Variants in EDIL3 observed in about 807,000 individuals in gnomAD.
EDIL3 encodes the protein EGF like and discoidin domains 3.
A neutral mutation model predicts 67.4 loss-of-function variants in EDIL3; 37 were observed. The ratio of observed to expected loss-of-function variants is 0.55; its 90% CI spans 0.42 to 0.72. The LOEUF is 0.72. Ranked by LOEUF, EDIL3 falls within the 30% of genes least tolerant of loss-of-function variation. EDIL3 has a pLI of 0.00. For missense variants in EDIL3, 527 were observed against 586.3 expected, an observed-to-expected ratio of 0.90 and a Z score of 1.04; for synonymous variants, 195 against 196.3, an observed-to-expected ratio of 0.99 and a Z score of 0.05.
At chr5:84,154,004 C>G (rs1318334097) in intron 4 of EDIL3, among the ~76,000 whole-genome samples, 1 of 152,150 alleles carries the variant, frequency 6.6e-6, no homozygotes, top group Non-Finnish European at 1.5e-5. Flanking sequence ...GGCTTGGTTC[C>G]TTGCTGAGGT....
At chr5:84,372,157 ATAAATATG>A (rs1474520535) in intron 1 of EDIL3, among the ~76,000 whole-genome samples, 1 of 152,200 alleles carries the variant, frequency 6.6e-6, no homozygotes, top group Non-Finnish European at 1.5e-5. Flanking sequence ...AGCCTGTTGA[ATAAATATG>A]TAGGCTACTT....
At chr5:84,374,074 C>T (rs767451973) in intron 1 of EDIL3, among the ~76,000 whole-genome samples, 23 of 151,988 alleles carry the variant, frequency 1.5e-4, no homozygotes, top group Non-Finnish European at 2.8e-4. Flanking sequence ...TAGTAATGGG[C>T]TCCAAAGGGG....
intron 1 of EDIL3, among the ~76,000 whole-genome samples, chr5:84,371,718 TAAATAAAGAATGAAA>T (rs1747860718): frequency 6.6e-6 from 1 of 151,616 alleles, no homozygotes; most frequent in Admixed American, 6.6e-5. Context: ...AGAATTATAC[TAAATAAAGAATGAAA>T]AAAATAAGTA....
chr5:84,126,169 T>C (rs1455229561), intron 5 of EDIL3, among the ~76,000 whole-genome samples: 2 of 152,098 alleles, frequency 1.3e-5, no homozygotes, highest in South Asian at 4.1e-4. Flanking sequence ...TCTGCTATTT[T>C]ACTTACATGT....
At chr5:84,080,332 C>T (rs1254901971) in intron 6 of EDIL3, among the ~76,000 whole-genome samples, 1 of 137,034 alleles carries the variant, frequency 7.3e-6, no homozygotes, top group Non-Finnish European at 1.6e-5. Flanking sequence ...TCAAATATAA[C>T]TAGTCCTAGT....
At chr5:84,287,704 ATCT>A (rs1408638434) in intron 1 of EDIL3, among the ~76,000 whole-genome samples, 4 of 152,166 alleles carry the variant, frequency 2.6e-5, no homozygotes, top group Admixed American at 1.3e-4. Flanking sequence ...AATCTTAGTC[ATCT>A]TCTTACTTGA....
chr5:83,966,585 G>A (rs554327575), intron 9 of EDIL3, among the ~76,000 whole-genome samples: 1 of 152,154 alleles, frequency 6.6e-6, no homozygotes, highest in Admixed American at 6.6e-5. Context: ...ACGGAACTGG[G>A]TGGTTTGGGG....
At chr5:83,981,098 CA>C (rs747326577) in intron 9 of EDIL3, among the ~76,000 whole-genome samples, 1 of 151,994 alleles carries the variant, frequency 6.6e-6, no homozygotes, top group Non-Finnish European at 1.5e-5. Context: ...ATATCCCTAA[CA>C]AAATCTCAAC....
chr5:84,183,269 G>T (rs1694808979), intron 3 of EDIL3, among the ~76,000 whole-genome samples: 3 of 151,884 alleles, frequency 2.0e-5, no homozygotes, highest in African/African-American at 7.3e-5. Context: ...ACAGATTGAG[G>T]CCTCAGACTA....
At chr5:84,190,579 GTA>G (rs138685119) in intron 3 of EDIL3, among the ~76,000 whole-genome samples, 2,091 of 121,932 alleles carry the variant, frequency 0.017, 50 homozygotes, top group African/African-American at 0.044. Flanking sequence ...GTGTGTGTGT[GTA>G]TATATATATA....
chr5:84,214,132 C>A (rs1248232548), intron 3 of EDIL3, among the ~76,000 whole-genome samples: 1 of 152,150 alleles, frequency 6.6e-6, no homozygotes, highest in Non-Finnish European at 1.5e-5. Context: ...CCAGTTATTA[C>A]TAACAATGGC....
At chr5:84,139,135 A>G (rs909766393) in intron 4 of EDIL3, among the ~76,000 whole-genome samples, 5 of 151,830 alleles carry the variant, frequency 3.3e-5, no homozygotes, top group African/African-American at 1.2e-4. Flanking sequence ...TACTCAGGAG[A>G]CTGAGGCAAG....
chr5:84,289,518 T>C (rs918712363), intron 1 of EDIL3, among the ~76,000 whole-genome samples: 6 of 152,158 alleles, frequency 3.9e-5, no homozygotes, highest in Admixed American at 6.6e-5. Flanking sequence ...TCCTCCCTTA[T>C]GACTCCTTCA....
intron 6 of EDIL3, among the ~76,000 whole-genome samples, chr5:84,097,538 T>A (rs1036402152): frequency 6.6e-6 from 1 of 152,200 alleles, no homozygotes; most frequent in South Asian, 2.1e-4. Context: ...AGGCCACATA[T>A]GTTTTGTGTT....
intron 1 of EDIL3, among the ~76,000 whole-genome samples, chr5:84,260,918 T>C (rs187804592): frequency 2.0e-5 from 3 of 152,304 alleles, no homozygotes; most frequent in African/African-American, 7.2e-5. Flanking sequence ...ACAAACTAAA[T>C]GTGAAGAACA....
intron 3 of EDIL3, among the ~76,000 whole-genome samples, chr5:84,207,244 C>A (rs1429174754): frequency 6.6e-5 from 10 of 152,142 alleles, no homozygotes; most frequent in Non-Finnish European, 1.5e-4. Context: ...CATTCTTATA[C>A]ACCAATAACA....
At chr5:84,190,536 C>CAT (rs3836849) in intron 3 of EDIL3, among the ~76,000 whole-genome samples, 164 of 134,996 alleles carry the variant, frequency 1.2e-3, no homozygotes, top group African/African-American at 3.3e-3. Flanking sequence ...AGTATTTCTA[C>CAT]ATATATATAT....
chr5:84,256,056 G>A (rs1580401282), intron 1 of EDIL3, among the ~76,000 whole-genome samples: 1 of 151,980 alleles, frequency 6.6e-6, no homozygotes, highest in Non-Finnish European at 1.5e-5. Context: ...TTTTGAATGG[G>A]GTGATTGATG....
intron 1 of EDIL3, among the ~76,000 whole-genome samples, chr5:84,275,174 A>G (rs766460773): frequency 6.6e-6 from 1 of 152,080 alleles, no homozygotes; most frequent in Non-Finnish European, 1.5e-5. Flanking sequence ...CAAACCACCT[A>G]CTCCATAGTT....
Sources: allele counts gnomAD v4.1 joint callset (sites outside exome capture counted in the v4.1 genomes callset), GRCh38; gene constraint gnomAD v4.1.1; transcripts MANE v1.5; gene names NCBI Gene and HGNC (gene_info 2026-07-23, HGNC 2026-07-21).